CACNA1C: variants seen among roughly 807,000 people sequenced by gnomAD.
CACNA1C encodes voltage-dependent L-type calcium channel subunit alpha-1C.
CACNA1C carries 30 observed loss-of-function variants against 229.0 expected under a neutral mutation model. That is an observed-to-expected ratio of 0.13 (90% CI 0.10 to 0.18). The LOEUF (loss-of-function observed/expected upper bound fraction) is 0.18. Ranked by LOEUF, CACNA1C falls within the 10% of genes least tolerant of loss-of-function variation. The pLI is 1.00. For synonymous variants in CACNA1C, 1,114 were observed against 1,132.5 expected (o/e 0.98, Z 0.33); for missense variants, 1,658 against 2,845.0 (o/e 0.58, Z 9.49).
intron 3 of CACNA1C, among the ~76,000 whole-genome samples, chr12:2,365,420 A>G (rs1010240558): frequency 2.0e-5 from 3 of 152,232 alleles, no homozygotes; most frequent in African/African-American, 7.2e-5. Context: ...GGCATCTATC[A>G]TGATTTCTTT....
chr12:1,994,753 C>A (rs2040392060), intron 1 of CACNA1C, among the ~76,000 whole-genome samples: 1 of 152,300 alleles, frequency 6.6e-6, no homozygotes, highest in East Asian at 1.9e-4. Context: ...TTCATTATCA[C>A]AACAGGATCT....
At chr12:2,302,497 C>G (rs1437481263) in intron 3 of CACNA1C, among the ~76,000 whole-genome samples, 1 of 152,014 alleles carries the variant, frequency 6.6e-6, no homozygotes, top group African/African-American at 2.4e-5. Flanking sequence ...GGAAGTTCCT[C>G]CCCTTGTGGC....
In CACNA1C at chr12:2,053,039, CGCGGCGCGGCGGGCCCGGA is replaced by C. The variant is rs1281969401; in HGVS notation, c.-517_-499del. On this transcript the variant is annotated 5_prime_UTR_variant, in exon 1 of 47. Transcript: ENST00000399655. The surrounding 1 kb of genome is among the most constrained non-coding windows in gnomAD (Gnocchi z 5.8). The stretch of plus-strand genomic sequence containing the variant: ...CAGCTCCTGCCAGAGCGGCGCTCGG[CGCGGCGCGGCGGGCCCGGA>C]GCGGCGGCGGCGGCTCTTCCTGCCT... 3 of 984,308 alleles carry C rather than the reference CGCGGCGCGGCGGGCCCGGA, an allele frequency of 3.0e-6. No homozygotes were observed. The East Asian group carries it at 3.4e-4, about 113-fold the overall frequency. The allele number at this position is 984,308 out of a possible 1,614,324, so 61.0% of individuals were successfully genotyped here.
intron 42 of CACNA1C, chr12:2,680,263 G>T: frequency 1.1e-6 from 1 of 900,708 alleles, no homozygotes; most frequent in Non-Finnish European, 1.6e-6. Context: ...TGTAGCACTG[G>T]CCCATTCTGC....
chr12:2,495,115 A>G (rs925081118), intron 7 of CACNA1C, among the ~76,000 whole-genome samples: 1 of 152,236 alleles, frequency 6.6e-6, no homozygotes, highest in Non-Finnish European at 1.5e-5. Context: ...GAAACACTGG[A>G]AAACATTTCT....
chr12:2,504,776 G>C lies in CACNA1C; in HGVS notation c.1114-66G>C. On this transcript the variant is annotated intron_variant, in intron 7 of 46. Coordinates refer to ENST00000399655, the MANE Select transcript of CACNA1C (RefSeq NM_000719.7). This position sits in a 1 kb window ranked among gnomAD's most constrained non-coding sequence, Gnocchi z 6.8. ...TGCGTGGGTCAGTGTCTCGGGAGCC[G>C]GGGACCGGCACTGGCCGTGCTCGGT... is the stretch of plus-strand genomic sequence containing the variant. The C allele has an allele frequency of 9.9e-7, 1 of 1,010,286 alleles. No individual in the cohort carries two copies. Among genetic ancestry groups the C allele is most frequent in the African/African-American group, 1.6e-5 (1 of 63,100 alleles). The allele number at this position is 1,010,286 out of a possible 1,614,324, so 62.6% of individuals were successfully genotyped here.
At chr12:2,340,317 T>A (rs527849044) in intron 3 of CACNA1C, among the ~76,000 whole-genome samples, 7 of 152,356 alleles carry the variant, frequency 4.6e-5, no homozygotes, top group South Asian at 2.1e-4. Flanking sequence ...AAAAGGCACT[T>A]AAGAAAGCCT....
chr12:2,250,301 A>G (rs1251963152), intron 3 of CACNA1C, among the ~76,000 whole-genome samples: 1 of 152,182 alleles, frequency 6.6e-6, no homozygotes, highest in African/African-American at 2.4e-5. Flanking sequence ...TTCACCTCCC[A>G]GCACCTGGAG....
At chr12:2,423,931 C>T (rs2099003376) in intron 3 of CACNA1C, among the ~76,000 whole-genome samples, 1 of 152,166 alleles carries the variant, frequency 6.6e-6, no homozygotes, top group Admixed American at 6.5e-5. Flanking sequence ...TATGCCATTG[C>T]TGTACTATGG....
At chr12:2,636,889 C>G (rs565562640) in intron 30 of CACNA1C, among the ~76,000 whole-genome samples, 2 of 152,188 alleles carry the variant, frequency 1.3e-5, no homozygotes, top group East Asian at 3.8e-4. Context: ...TGAGATGCTC[C>G]GGGCTGAGGC....
At chr12:2,626,597 T>G (rs2086726511) in intron 29 of CACNA1C, among the ~76,000 whole-genome samples, 1 of 152,188 alleles carries the variant, frequency 6.6e-6, no homozygotes, top group African/African-American at 2.4e-5. Flanking sequence ...CTTATCCCTC[T>G]CCAAGGAGGC....
chr12:2,118,826 G>A (rs1279291693), intron 2 of CACNA1C, among the ~76,000 whole-genome samples: 1 of 152,158 alleles, frequency 6.6e-6, no homozygotes, highest in African/African-American at 2.4e-5. Flanking sequence ...TTGGGGTCTT[G>A]GACTGGCTGC....
chr12:2,303,752 T>G (rs1028946641), intron 3 of CACNA1C, among the ~76,000 whole-genome samples: 1 of 152,188 alleles, frequency 6.6e-6, no homozygotes, highest in Non-Finnish European at 1.5e-5. Context: ...GCAAGGCTGC[T>G]CTGCAAGGCT....
intron 3 of CACNA1C, among the ~76,000 whole-genome samples, chr12:2,205,279 G>A (rs1287910578): frequency 6.6e-6 from 1 of 152,216 alleles, no homozygotes; most frequent in Non-Finnish European, 1.5e-5. Flanking sequence ...AACCAGTCCT[G>A]AGAGGCCAGG....
intron 3 of CACNA1C, among the ~76,000 whole-genome samples, chr12:2,364,863 C>G (rs1255986754): frequency 6.6e-6 from 1 of 152,134 alleles, no homozygotes; most frequent in Admixed American, 6.5e-5. Context: ...CCAGGAGAGT[C>G]TCTGAAAAGA....
chr12:2,562,844 C>T (rs1183402926), intron 11 of CACNA1C, among the ~76,000 whole-genome samples: 1 of 152,182 alleles, frequency 6.6e-6, no homozygotes, highest in Non-Finnish European at 1.5e-5. Flanking sequence ...CAGGGTGTTC[C>T]TCACATCAAG....
At chr12:2,414,474 G>A (rs1413780889) in intron 3 of CACNA1C, among the ~76,000 whole-genome samples, 1 of 152,186 alleles carries the variant, frequency 6.6e-6, no homozygotes, top group African/African-American at 2.4e-5. Context: ...CAGAAGGGAA[G>A]GGAAGGACCT....
Position 2,691,426 on chromosome 12 carries a change from C to T in CACNA1C, c.*227C>T. 1 of 425,512 alleles carries T rather than the reference C, an allele frequency of 2.4e-6. No homozygotes were observed. Among genetic ancestry groups the T allele is most frequent in the Non-Finnish European group, 4.0e-6 (1 of 252,738 alleles). The allele number at this position is 425,512 out of a possible 1,614,324, so 26.4% of individuals were successfully genotyped here. A position where few individuals can be genotyped will look rare whatever the true frequency, so the allele number is the denominator to read the frequency against. On this transcript the variant is annotated 3_prime_UTR_variant, in exon 47 of 47. Coordinates refer to ENST00000399655, the MANE Select transcript of CACNA1C (RefSeq NM_000719.7). The stretch of plus-strand genomic sequence containing the variant: ...AGAGGAGGCGGCGAGGGTCCCGGGG[C>T]GCGAGGAAGGCGCCTGCCCTCTCCC...
In CACNA1C at chr12:2,605,099, C is replaced by T. The variant is rs1025481136; in HGVS notation, c.2979C>T (p.Val993=). The T allele has an allele frequency of 7.4e-6, 12 of 1,613,660 alleles. No individual in the cohort carries two copies. Among genetic ancestry groups the T allele is most frequent in the East Asian group, 2.2e-5 (1 of 44,866 alleles). Residue 993 remains valine, a synonymous_variant, in exon 23 of 47, where the codon GTC becomes GTT. Coordinates refer to ENST00000399655, the MANE Select transcript of CACNA1C (RefSeq NM_000719.7). This position sits in a 1 kb window ranked among gnomAD's most constrained non-coding sequence, Gnocchi z 6.2. ...SFGIQSSAIN[V]VKILRVLRVL... is the part of the protein sequence containing the mutation. ...CTCCCAGGTCCAGTGCAATCAATGT[C>T]GTGAAGATCTTGCGAGTCCTGCGAG...
Sources: gnomAD v4.1 joint callset for allele counts (sites outside exome capture counted in the v4.1 genomes callset) on GRCh38, gnomAD v4.1.1 for gene constraint, Gnocchi (gnomAD v3.1) non-coding constraint, MANE v1.5 for transcripts, NCBI Gene and HGNC (gene_info 2026-07-23, HGNC 2026-07-21) for gene names.